Variants in PRR5L observed in about 807,000 individuals in gnomAD.
PRR5L encodes proline-rich protein 5-like.
PRR5L carries 21 observed loss-of-function variants against 36.4 expected under a neutral mutation model. That is an observed-to-expected ratio of 0.58 (90% CI 0.41 to 0.83). PRR5L has a LOEUF of 0.83. Among genes scored for constraint, PRR5L ranks in the 40% least tolerant of loss-of-function variants. PRR5L has a pLI of 0.00. For missense variants in PRR5L, 381 were observed against 473.3 expected (o/e 0.80, Z 1.81); for synonymous variants, 188 against 197.0 (o/e 0.95, Z 0.38).
At chr11:36,392,186 A>T (rs533445741) in intron 1 of PRR5L, among the ~76,000 whole-genome samples, 1 of 152,312 alleles carries the variant, frequency 6.6e-6, no homozygotes, top group East Asian at 1.9e-4. Context: ...CATTATGTAC[A>T]TGTACCACAT....
At chr11:36,412,026 T>C (rs1424025476) in intron 3 of PRR5L, among the ~76,000 whole-genome samples, 1 of 152,160 alleles carries the variant, frequency 6.6e-6, no homozygotes, top group Non-Finnish European at 1.5e-5. Context: ...CCCATTTTAC[T>C]TGTGCAGTAA....
At chr11:36,391,897 G>A (rs780964665) in intron 1 of PRR5L, among the ~76,000 whole-genome samples, 11 of 152,070 alleles carry the variant, frequency 7.2e-5, no homozygotes, top group Non-Finnish European at 1.0e-4. Context: ...GTGCTATCAC[G>A]TACAAGATCT....
chr11:36,377,048 G>A lies in PRR5L; in HGVS notation c.-125-23949G>A, dbSNP rs768223419. Among the ~76,000 whole-genome samples, 1 of 152,156 alleles carries A rather than the reference G, an allele frequency of 6.6e-6. No individual in the cohort carries two copies. The highest frequency in any genetic ancestry group is 1.5e-5 in the Non-Finnish European group (1 of 68,024). On this transcript the variant is annotated intron_variant, in intron 1 of 8. Transcript: ENST00000530639. This position sits in a 1 kb window ranked among gnomAD's most constrained non-coding sequence, Gnocchi z 5.1. ...GTGATCATGGGACCTAGGCTGAGCC[G>A]GGAGGTCGAAAAAGAAAGTCGGCTT... is the stretch of plus-strand genomic sequence containing the variant.
chr11:36,455,466 A>G lies in PRR5L; in HGVS notation c.712+4131A>G, dbSNP rs534284502. ...CTCCTGGTGAGTGAGGAGGGAATAAAGCCTCCCCTTGGCCTCACCCCGTGT... is the reference window on the plus strand; with the variant it reads ...CTCCTGGTGAGTGAGGAGGGAATAAGGCCTCCCCTTGGCCTCACCCCGTGT... On this transcript the variant is annotated intron_variant, in intron 8 of 8. Transcript: ENST00000530639. 2.0e-5 allele frequency: 3 copies of G among 153,140 alleles called. 1 individual carries two copies. In the East Asian group the frequency reaches 5.8e-4, roughly 30 times the overall value. 9.5% of individuals were successfully genotyped at this position (153,140 alleles called of 1,614,324 possible).
chr11:36,299,687 G>A (rs2133446512), intron 1 of PRR5L, among the ~76,000 whole-genome samples: 1 of 152,288 alleles, frequency 6.6e-6, no homozygotes, highest in African/African-American at 2.4e-5. Context: ...AGCTCAGAAA[G>A]GTTAACGAAT....
chr11:36,306,484 T>C (rs969241960), intron 1 of PRR5L, among the ~76,000 whole-genome samples: 2 of 152,026 alleles, frequency 1.3e-5, no homozygotes, highest in African/African-American at 2.4e-5. Context: ...CAGTCTGTCA[T>C]TGATGGACAT....
intron 1 of PRR5L, among the ~76,000 whole-genome samples, chr11:36,369,609 T>C (rs1354077318): frequency 6.6e-6 from 1 of 152,156 alleles, no homozygotes; most frequent in African/African-American, 2.4e-5. Context: ...TATTTATTTA[T>C]TTTTGAGATG....
At chr11:36,393,333 T>C (rs1468540752) in intron 1 of PRR5L, among the ~76,000 whole-genome samples, 1 of 152,220 alleles carries the variant, frequency 6.6e-6, no homozygotes, top group Non-Finnish European at 1.5e-5. Flanking sequence ...TTTAAGTCTT[T>C]AACCTATTTT....
intron 1 of PRR5L, among the ~76,000 whole-genome samples, chr11:36,336,499 G>A (rs2133476505): frequency 6.7e-6 from 1 of 149,666 alleles, no homozygotes; most frequent in Non-Finnish European, 1.5e-5. Context: ...CAAAGTGCTG[G>A]GATTACAGGC....
intron 1 of PRR5L, among the ~76,000 whole-genome samples, chr11:36,355,736 A>G (rs1857020214): frequency 1.3e-5 from 2 of 149,208 alleles, no homozygotes; most frequent in Admixed American, 6.7e-5. Context: ...TTTTTTTTTA[A>G]TTTTTTAGTA....
intron 1 of PRR5L, among the ~76,000 whole-genome samples, chr11:36,374,838 G>C (rs1389026331): frequency 4.6e-5 from 7 of 152,194 alleles, no homozygotes; most frequent in Admixed American, 3.9e-4. Flanking sequence ...CCAGAGTATG[G>C]GAAGAAGAGG....
At chr11:36,394,714 A>G (rs906757173) in intron 1 of PRR5L, among the ~76,000 whole-genome samples, 1 of 152,052 alleles carries the variant, frequency 6.6e-6, no homozygotes, top group Non-Finnish European at 1.5e-5. Flanking sequence ...CATCCCCTTT[A>G]TAAGGACACA....
intron 1 of PRR5L, among the ~76,000 whole-genome samples, chr11:36,372,105 A>G (rs1857204030): frequency 1.3e-5 from 2 of 152,296 alleles, no homozygotes; most frequent in South Asian, 2.1e-4. Context: ...AAATGCGATA[A>G]TGCGTAAATT....
chr11:36,315,618 G>A (rs967897764), intron 1 of PRR5L, among the ~76,000 whole-genome samples: 2 of 152,162 alleles, frequency 1.3e-5, no homozygotes, highest in African/African-American at 2.4e-5. Flanking sequence ...TGAAGTATAA[G>A]AGAATAGTTC....
Position 36,464,952 on chromosome 11 carries a change from T to C in PRR5L, c.*2216T>C, listed in dbSNP as rs924250895. 1.3e-5 allele frequency: 2 copies of C among 152,194 alleles called. No individual in the cohort carries two copies. The highest frequency in any genetic ancestry group is 2.9e-5 in the Non-Finnish European group (2 of 68,034). 9.4% of individuals were successfully genotyped at this position (152,194 alleles called of 1,614,324 possible). A position where few individuals can be genotyped will look rare whatever the true frequency, so the allele number is the denominator to read the frequency against. On this transcript the variant is annotated 3_prime_UTR_variant, in exon 9 of 9. Coordinates refer to ENST00000530639, the MANE Select transcript of PRR5L (RefSeq NM_001160167.2). Reference sequence around the variant, plus strand: ...ACACATTTGATATTTGTGCAGTAAATAGACTGTACCTATAAAAAATTTTAT... The same window carrying C: ...ACACATTTGATATTTGTGCAGTAAACAGACTGTACCTATAAAAAATTTTAT...
At chr11:36,375,573 C>T (rs1318766698) in intron 1 of PRR5L, among the ~76,000 whole-genome samples, 1 of 152,152 alleles carries the variant, frequency 6.6e-6, no homozygotes, top group Non-Finnish European at 1.5e-5. Context: ...GTGTGATGTG[C>T]GATCGGGCAG....
At chr11:36,432,003 C>A in intron 5 of PRR5L, 93 bp downstream of exon 5, 4 of 1,118,006 alleles carry the variant, frequency 3.6e-6, no homozygotes, top group South Asian at 1.3e-5. Context: ...AAGGGGCAGG[C>A]TCCAAGCGAG....
chr11:36,389,150 T>C (rs1456080275), intron 1 of PRR5L, among the ~76,000 whole-genome samples: 1 of 149,484 alleles, frequency 6.7e-6, no homozygotes, highest in Non-Finnish European at 1.5e-5. Context: ...CATAAGCCAC[T>C]TGACGTGCCT....
chr11:36,404,973 C>T (rs1279290488), intron 3 of PRR5L, among the ~76,000 whole-genome samples: 1 of 152,178 alleles, frequency 6.6e-6, no homozygotes, highest in African/African-American at 2.4e-5. Context: ...TCTGGCCTTT[C>T]CATGAGGTTC....
Sources: gnomAD v4.1 joint callset for allele counts (sites outside exome capture counted in the v4.1 genomes callset) on GRCh38, gnomAD v4.1.1 for gene constraint, Gnocchi (gnomAD v3.1) non-coding constraint, MANE v1.5 for transcripts, NCBI Gene and HGNC (gene_info 2026-07-23, HGNC 2026-07-21) for gene names.